OR7E24: variants seen among roughly 807,000 people sequenced by gnomAD.
OR7E24 encodes olfactory receptor family 7 subfamily E member 24, also known as olfactory receptor 7E24.
For missense variants in OR7E24, 385 were observed against 410.3 expected (o/e 0.94, Z 0.53); for synonymous variants, 130 against 157.5 (o/e 0.83, Z 1.31).
At chr19:9,215,268 A>G in the OR7E24 span, among the ~76,000 whole-genome samples, 139,374 of 150,148 alleles carry the variant, frequency 0.93, 64,718 homozygotes, top group African/African-American at 0.98. Flanking sequence ...GCTTGAACCC[A>G]GGAGGCGGAG....
chr19:9,236,442 G>A, the OR7E24 span, among the ~76,000 whole-genome samples: 2 of 151,962 alleles, frequency 1.3e-5, no homozygotes, highest in Non-Finnish European at 2.9e-5. Context: ...CCCAGGAGGC[G>A]GAGGTTTCAG....
the OR7E24 span, chr19:9,235,726 A>G: frequency 6.2e-7 from 1 of 1,605,632 alleles, no homozygotes; most frequent in Non-Finnish European, 8.5e-7. Context: ...TGCTCTCCTC[A>G]TTAACATTGT....
chr19:9,214,511 TC>T, the OR7E24 span: 1 of 1,614,146 alleles, frequency 6.2e-7, no homozygotes, highest in Non-Finnish European at 8.5e-7. Context: ...AAGTATCCAT[TC>T]CAGCAAACAT....
the OR7E24 span, among the ~76,000 whole-genome samples, chr19:9,215,682 G>A: frequency 1.2e-4 from 18 of 152,034 alleles, no homozygotes; most frequent in Admixed American, 7.2e-4. Flanking sequence ...CCATATGCAC[G>A]GTAGGAATAT....
chr19:9,220,446 T>C, the OR7E24 span, among the ~76,000 whole-genome samples: 10 of 152,370 alleles, frequency 6.6e-5, 1 homozygote, highest in Admixed American at 6.5e-5. Context: ...AGATTCCACA[T>C]ATGAGTGAGA....
chr19:9,216,383 C>T, the OR7E24 span, among the ~76,000 whole-genome samples: 1 of 152,142 alleles, frequency 6.6e-6, no homozygotes, highest in Non-Finnish European at 1.5e-5. Flanking sequence ...CACAGCCAAA[C>T]TATGTGAATC....
upstream of OR7E24, among the ~76,000 whole-genome samples, chr19:9,246,622 C>A (rs898510695): frequency 1.3e-5 from 2 of 152,034 alleles, no homozygotes; most frequent in Admixed American, 6.6e-5. Flanking sequence ...CAACAGATGA[C>A]TGGAGAAACA....
chr19:9,246,110 C>T (rs2066128971), upstream of OR7E24, among the ~76,000 whole-genome samples: 1 of 134,840 alleles, frequency 7.4e-6, no homozygotes, highest in African/African-American at 3.0e-5. Flanking sequence ...TGCTCTGTCT[C>T]CCAGGCTGGA....
chr19:9,213,857 G>C, the OR7E24 span: 1 of 1,376,612 alleles, frequency 7.3e-7, no homozygotes. Flanking sequence ...ATTTGCCTTA[G>C]GGGTACGCAG....
chr19:9,215,244 G>A, the OR7E24 span, among the ~76,000 whole-genome samples: 1 of 149,604 alleles, frequency 6.7e-6, no homozygotes. Context: ...TAAGGAGGCT[G>A]AGGCAGGAGA....
chr19:9,229,025 C>CTCA, the OR7E24 span, among the ~76,000 whole-genome samples: 1 of 152,118 alleles, frequency 6.6e-6, no homozygotes. Flanking sequence ...TGTTTCAAAA[C>CTCA]TCATCATGTG....
chr19:9,206,865 C>G, the OR7E24 span: 2 of 152,294 alleles, frequency 1.3e-5, no homozygotes, highest in Non-Finnish European at 2.9e-5. Flanking sequence ...TCAACCTTGG[C>G]TTTTATTGAC....
chr19:9,248,497 C>A (rs374740234), upstream of OR7E24, among the ~76,000 whole-genome samples: 2 of 152,186 alleles, frequency 1.3e-5, no homozygotes, highest in African/African-American at 4.8e-5. Context: ...CCTTCCCCCC[C>A]TCGAATCCGT....
At chr19:9,219,914 C>T in the OR7E24 span, among the ~76,000 whole-genome samples, 5 of 152,104 alleles carry the variant, frequency 3.3e-5, no homozygotes, top group Admixed American at 2.0e-4. Context: ...TTAATTTCTG[C>T]AAGGAACTAA....
the OR7E24 span, among the ~76,000 whole-genome samples, chr19:9,220,542 T>C: frequency 0.025 from 3,871 of 152,318 alleles, 164 homozygotes; most frequent in African/African-American, 0.087. Flanking sequence ...ATGACAGGAT[T>C]TCCTTGTGTT....
Position 9,251,794 on chromosome 19 carries a change from G to A in OR7E24, c.751G>A (p.Gly251Arg). 1 of 1,612,860 alleles carries A rather than the reference G, an allele frequency of 6.2e-7. No individual in the cohort carries two copies. The highest frequency in any genetic ancestry group is 8.5e-7 in the Non-Finnish European group (1 of 1,179,388). ...CATTCTGAGAGTTCCAACATCAGAT[G>A]GGAAGTATAAAGCCTTCTCCACCTG... is the stretch of plus-strand genomic sequence containing the variant. ...SPILRVPTSD[G>R]KYKAFSTCGS... The change falls in exon 1 of 1, where the codon GGG becomes AGG. Residue 251 changes from glycine to arginine, a missense_variant. By Grantham distance (125) the Gly-to-Arg change is moderately radical. Transcript: ENST00000456448.
the OR7E24 span, among the ~76,000 whole-genome samples, chr19:9,218,600 C>A: frequency 6.6e-6 from 1 of 152,270 alleles, no homozygotes; most frequent in Non-Finnish European, 1.5e-5. Flanking sequence ...ACTACAATTT[C>A]AATCTTTTGA....
At chr19:9,211,332 T>C in the OR7E24 span, 3 of 152,312 alleles carry the variant, frequency 2.0e-5, no homozygotes, top group Admixed American at 6.5e-5. Flanking sequence ...TTGTTAGATA[T>C]GGGGAAATGC....
the OR7E24 span, among the ~76,000 whole-genome samples, chr19:9,229,717 A>G: frequency 6.6e-6 from 1 of 152,036 alleles, no homozygotes; most frequent in Admixed American, 6.6e-5. Flanking sequence ...ATCCTAAGGG[A>G]GCTGAATTAT....
Sources: gnomAD v4.1 joint callset for allele counts (sites outside exome capture counted in the v4.1 genomes callset) on GRCh38, gnomAD v4.1.1 for gene constraint, MANE v1.5 for transcripts, NCBI Gene and HGNC (gene_info 2026-07-23, HGNC 2026-07-21) for gene names.